The following POLQ variants were observed in gnomAD, a reference collection of about 807,000 sequenced individuals.
POLQ encodes the protein epididymis secretory sperm binding protein.
In POLQ, 233 loss-of-function variants were observed where a neutral mutation model predicts 259.2. That is an observed-to-expected ratio of 0.90 (90% confidence interval 0.81 to 1.00). The LOEUF (loss-of-function observed/expected upper bound fraction) is 1.00, where lower values mean the gene tolerates loss of function less well. POLQ is among the 50% of genes least tolerant of loss of function. The probability of loss-of-function intolerance (pLI) is 0.00; values close to 1 mark genes in which losing one functional copy is unlikely to be tolerated. For synonymous variants in POLQ, 1,025 were observed against 1,048.8 expected, an observed-to-expected ratio of 0.98 and a Z score of 0.44; for missense variants, 2,871 against 3,051.6, an observed-to-expected ratio of 0.94 and a Z score of 1.39.
chr3:121,538,324 A>AGGAC (rs2048465047), intron 4 of POLQ, among the ~76,000 whole-genome samples: 1 of 152,128 alleles, frequency 6.6e-6, no homozygotes, highest in Non-Finnish European at 1.5e-5. Context: ...ACTTGGAATA[A>AGGAC]TTCTTAAGAA....
In POLQ at chr3:121,472,025, CT is replaced by C; in HGVS notation, c.6682del (p.Arg2228GlufsTer15). 6.3e-7 allele frequency: 1 copy of C among 1,578,256 alleles called. No homozygotes were observed. Among genetic ancestry groups the C allele is most frequent in the South Asian group, 1.2e-5 (1 of 86,136 alleles). ...KCLNPFLGMERIYPVSQSHTA... is the reference protein window; with the variant it reads ...KCLNPFLGMEXIYPVSQSHTA... ...GTGCGACTGTGATACAGGATAGATTCTTTCCATTCCAAGAAAAGGATTAAGA... is the reference window on the plus strand; with the variant it reads ...GTGCGACTGTGATACAGGATAGATTCTTCCATTCCAAGAAAAGGATTAAGA... On this transcript the variant is annotated frameshift_variant, in exon 22 of 30. Transcript: ENST00000264233. LOFTEE classifies it high-confidence loss of function.
chr3:121,510,072 T>G lies in POLQ; in HGVS notation c.1783A>C (p.Ile595Leu). ...CVMWLLENEF[I>L]QSTEASDGTE... Reference sequence around the variant, plus strand: ...CCATCACTGGCTTCTGTACTCTGGATGAATTCATTTTCTAGTAGCCACATC... The same window carrying G: ...CCATCACTGGCTTCTGTACTCTGGAGGAATTCATTTTCTAGTAGCCACATC... Residue 595 changes from isoleucine to leucine, a missense_variant, in exon 11 of 30, where the codon ATC (isoleucine) becomes CTC (leucine). Coordinates refer to ENST00000264233, the MANE Select transcript of POLQ (RefSeq NM_199420.4). The G allele has an allele frequency of 6.2e-7, 1 of 1,614,056 alleles. No homozygotes were observed. The highest frequency in any genetic ancestry group is 8.5e-7 in the Non-Finnish European group (1 of 1,179,902).
At chr3:121,481,090 G>GA (rs1204656512) in intron 19 of POLQ, among the ~76,000 whole-genome samples, 40 of 152,126 alleles carry the variant, frequency 2.6e-4, no homozygotes, top group African/African-American at 8.9e-4. Context: ...CCCTTGCTGT[G>GA]AAAAAACATC....
chr3:121,519,548 C>T (rs1471906686), intron 9 of POLQ, among the ~76,000 whole-genome samples: 15 of 149,824 alleles, frequency 1.0e-4, no homozygotes, highest in Non-Finnish European at 1.9e-4. Flanking sequence ...TGGTGGCAGG[C>T]GCCTGTAGTC....
At position 121,487,655 on chromosome 3, in the gene POLQ, G is replaced by T. The variant is rs1293507857; in HGVS notation, c.5276C>A (p.Pro1759His). The T allele has an allele frequency of 3.7e-6, 6 of 1,613,762 alleles. No individual in the cohort carries two copies. Among genetic ancestry groups the T allele is most frequent in the Non-Finnish European group, 5.1e-6 (6 of 1,179,750 alleles). The change falls in exon 16 of 30, where the codon CCT (proline) becomes CAT (histidine). Residue 1759 changes from proline to histidine, a missense_variant. Pro to His is a moderately conservative substitution (Grantham distance 77). This residue lies in a region of POLQ where 2,080 missense variants were observed against 2,126.0 expected (regional missense o/e 0.98). Coordinates refer to ENST00000264233, the MANE Select transcript of POLQ (RefSeq NM_199420.4). Reference protein sequence around the residue: ...FPGILETPVNPWKTNNVLQPG... With the variant: ...FPGILETPVNHWKTNNVLQPG... ...TTGTAAAACATTATTAGTTTTCCAA[G>T]GGTTTACAGGTGTTTCAAGAATCCC... is the stretch of plus-strand genomic sequence containing the variant.
At chr3:121,479,469 GT>G (rs2047954275) in intron 19 of POLQ, among the ~76,000 whole-genome samples, 1 of 151,668 alleles carries the variant, frequency 6.6e-6, no homozygotes. Context: ...TTGTTTGTTT[GT>G]TTGTTTTTGT....
chr3:121,484,672 G>A (rs2047996065), intron 17 of POLQ, among the ~76,000 whole-genome samples: 1 of 152,164 alleles, frequency 6.6e-6, no homozygotes, highest in South Asian at 2.1e-4. Context: ...AGGCCAAGGC[G>A]GGTGGATCAC....
At chr3:121,436,987 G>A (rs2047549369) in intron 27 of POLQ, among the ~76,000 whole-genome samples, 1 of 151,954 alleles carries the variant, frequency 6.6e-6, no homozygotes, top group African/African-American at 2.4e-5. Context: ...CATTCCCGGT[G>A]CCCCAAAATA....
chr3:121,481,826 C>T lies in POLQ; in HGVS notation c.5971-14G>A. The T allele has an allele frequency of 1.3e-6, 2 of 1,577,082 alleles. No individual in the cohort carries two copies. The highest frequency in any genetic ancestry group is 2.3e-5 in the East Asian group (1 of 44,320). ...CCAGCATGCCACCTGAATGGGATAG[C>T]AATGAGAATATTTTCCTGATTTTTT... is the stretch of plus-strand genomic sequence containing the variant. On this transcript the variant is annotated splice_polypyrimidine_tract_variant and intron_variant, in intron 18 of 29. Coordinates refer to ENST00000264233, the MANE Select transcript of POLQ (RefSeq NM_199420.4).
chr3:121,432,941 C>G lies in POLQ; in HGVS notation c.7636G>C (p.Val2546Leu). Residue 2546 changes from valine (V) to leucine (L), a missense_variant, in exon 29 of 30, where the codon GTG becomes CTG. Around this residue, in one of 3 missense-constraint regions of POLQ, gnomAD observed 2,080 missense variants for 2,126.0 expected, o/e 0.98. Coordinates refer to ENST00000264233, the MANE Select transcript of POLQ (RefSeq NM_199420.4). ...ACCTGAACAACATCTTCTTCTGCCA[C>G]TTCATATAGGAGTTCATCATGGAGT... ...LQLHDELLYE[V>L]AEEDVVQVAQ... 1 of 1,600,242 alleles carries G rather than the reference C, an allele frequency of 6.2e-7. No homozygotes were observed. Among genetic ancestry groups the G allele is most frequent in the East Asian group, 2.2e-5 (1 of 44,810 alleles).
intron 25 of POLQ, among the ~76,000 whole-genome samples, chr3:121,453,747 A>G (rs1445375015): frequency 3.3e-5 from 5 of 152,194 alleles, no homozygotes; most frequent in African/African-American, 1.2e-4. Context: ...GACCAAATCT[A>G]TGTCTCACTG....
intron 6 of POLQ, 28 bp from the exon 7 acceptor site, chr3:121,529,820 T>C: frequency 1.9e-6 from 3 of 1,546,064 alleles, no homozygotes; most frequent in Non-Finnish European, 2.6e-6. Context: ...ATAACCACTT[T>C]AGTGGTCCTT....
rs138094920 is a variant in POLQ, at chr3:121,465,255, C to G, written c.6967+2264G>C. Among the ~76,000 whole-genome samples, 9 of 152,002 alleles carry G rather than the reference C, an allele frequency of 5.9e-5. No individual in the cohort carries two copies. In the East Asian group the frequency reaches 1.7e-3, roughly 29 times the overall value. ...TACAGGTGCGCACCACCATGCCTAGCTAATTTTTTGACTTTCTGTAAAGAT... is the reference window on the plus strand; with the variant it reads ...TACAGGTGCGCACCACCATGCCTAGGTAATTTTTTGACTTTCTGTAAAGAT... On this transcript the variant is annotated intron_variant, in intron 24 of 29. Transcript: ENST00000264233.
At chr3:121,505,549 TG>T (rs1337801530) in intron 12 of POLQ, among the ~76,000 whole-genome samples, 1 of 152,056 alleles carries the variant, frequency 6.6e-6, no homozygotes, top group Non-Finnish European at 1.5e-5. Context: ...GAATTAGAAA[TG>T]TACCCAAATA....
Position 121,519,995 on chromosome 3 carries a change from A to G in POLQ, c.1344T>C (p.Ser448=), listed in dbSNP as rs922669284. 2 of 1,613,198 alleles carry G rather than the reference A, an allele frequency of 1.2e-6. No homozygotes were observed. The highest frequency in any genetic ancestry group is 2.7e-5 in the African/African-American group (2 of 74,904). Residue 448 remains serine, a synonymous_variant, in exon 9 of 30, where the codon TCT becomes TCC. Coordinates refer to ENST00000264233, the MANE Select transcript of POLQ (RefSeq NM_199420.4). ...RVLAATSTLS[S]GVNLPARRVI... ...CACGACGTGCAGGTAAATTCACCCCAGAAGAAAGAGTAGAAGTTGCCGCCA... is the reference window on the plus strand; with the variant it reads ...CACGACGTGCAGGTAAATTCACCCCGGAAGAAAGAGTAGAAGTTGCCGCCA...
rs1026557644 is a variant in POLQ at position 121,484,920 on chromosome 3, A to T, written c.5773+121T>A. 9.7e-6 allele frequency: 8 copies of T among 823,570 alleles called. No individual in the cohort carries two copies. In the Admixed American group the frequency reaches 2.4e-4, roughly 24 times the overall value. The allele number at this position is 823,570 out of a possible 1,614,324, so 51.0% of individuals were successfully genotyped here. Reference sequence around the variant, plus strand: ...TGTCTCAAAAAACAAACAAAAAAAAATTTAACTCTAAAAATAAATCCTAGG... The same window carrying T: ...TGTCTCAAAAAACAAACAAAAAAAATTTTAACTCTAAAAATAAATCCTAGG... On this transcript the variant is annotated intron_variant, in intron 17 of 29. Coordinates refer to ENST00000264233, the MANE Select transcript of POLQ (RefSeq NM_199420.4).
chr3:121,452,389 C>A (rs1056497590), intron 25 of POLQ, among the ~76,000 whole-genome samples: 3 of 152,152 alleles, frequency 2.0e-5, no homozygotes, highest in Admixed American at 1.3e-4. Context: ...TAGACTGGAG[C>A]TGTTCCAATT....
intron 12 of POLQ, among the ~76,000 whole-genome samples, chr3:121,505,091 C>T (rs889549780): frequency 1.3e-5 from 2 of 152,184 alleles, no homozygotes; most frequent in Non-Finnish European, 2.9e-5. Context: ...CCACTTGGTG[C>T]TGTCGTTGCA....
intron 20 of POLQ, 24 bp downstream of exon 20, chr3:121,476,516 A>G (rs777561553): frequency 6.4e-7 from 1 of 1,552,132 alleles, no homozygotes; most frequent in East Asian, 2.2e-5. Flanking sequence ...TTATGTATCT[A>G]TATCCCTAGC....
Sources: allele counts gnomAD v4.1 joint callset (sites outside exome capture counted in the v4.1 genomes callset), GRCh38; gene constraint gnomAD v4.1.1; regional missense constraint gnomAD v4.1.1; transcripts MANE v1.5; gene names NCBI Gene and HGNC (gene_info 2026-07-23, HGNC 2026-07-21).